Variants in CABP5 observed in about 807,000 individuals in gnomAD.
CABP5 encodes the protein calcium-binding protein 5.
A neutral mutation model predicts 21.9 loss-of-function variants in CABP5; 17 were observed. The observed-to-expected ratio is 0.78, with a 90% CI of 0.53 to 1.17. The LOEUF is 1.17. Ranked by LOEUF, CABP5 falls within the 50% of genes most tolerant of loss-of-function variation. CABP5 has a pLI of 0.00. For synonymous variants in CABP5, 85 were observed against 79.4 expected, an observed-to-expected ratio of 1.07 and a Z score of -0.37; for missense variants, 229 against 228.9, an observed-to-expected ratio of 1.00 and a Z score of 0.00.
At position 48,029,540 on chromosome 19, in the gene CABP5, A is replaced by G. The variant is rs148179092; in HGVS notation, c.*1017T>C. Among the ~76,000 whole-genome samples, 137 of 152,224 alleles carry G rather than the reference A, an allele frequency of 9.0e-4. 4 individuals carry two copies. In the South Asian group the frequency reaches 0.027, roughly 30 times the overall value. On this transcript the variant is annotated 3_prime_UTR_variant, in exon 6 of 6. Coordinates refer to ENST00000293255, the MANE Select transcript of CABP5 (RefSeq NM_019855.5). Reference sequence around the variant, plus strand: ...AACAGACGACCCATCTAACAGAGACACAGCCTCTGGGTGGTCCAGGACAGA... The same window carrying G: ...AACAGACGACCCATCTAACAGAGACGCAGCCTCTGGGTGGTCCAGGACAGA...
intron 4 of CABP5, among the ~76,000 whole-genome samples, chr19:48,038,853 C>T (rs975423753): frequency 2.0e-5 from 3 of 151,876 alleles, no homozygotes; most frequent in South Asian, 2.1e-4. Flanking sequence ...AACATTTATT[C>T]TAGAGATGGC....
Position 48,030,374 on chromosome 19 carries a change from C to T in CABP5, c.*183G>A. The T allele has an allele frequency of 1.8e-6, 1 of 559,512 alleles. No homozygotes were observed. Among genetic ancestry groups the T allele is most frequent in the South Asian group, 2.6e-5 (1 of 37,926 alleles). 34.7% of individuals were successfully genotyped at this position (559,512 alleles called of 1,614,324 possible). A position where few individuals can be genotyped will look rare whatever the true frequency, so the allele number is the denominator to read the frequency against. ...TCTTAATCTAGTTCTGCAGACGCCC[C>T]CATCCTGGCAAAGATACCGCTCTGG... is the stretch of plus-strand genomic sequence containing the variant. On this transcript the variant is annotated 3_prime_UTR_variant, in exon 6 of 6. Transcript: ENST00000293255.
chr19:48,041,272 A>G (rs1483640299), intron 2 of CABP5: 6 of 452,966 alleles, frequency 1.3e-5, no homozygotes, highest in Non-Finnish European at 2.3e-5. Flanking sequence ...AAATGAGAGC[A>G]CTGGCGTCCT....
chr19:48,037,882 C>T (rs1234790587), intron 4 of CABP5, among the ~76,000 whole-genome samples: 2 of 152,114 alleles, frequency 1.3e-5, no homozygotes, highest in African/African-American at 2.4e-5. Flanking sequence ...ACAGTGTTCA[C>T]GTTACACTTA....
chr19:48,034,438 C>T, intron 4 of CABP5, 76 bp from the exon 5 acceptor site: 1 of 1,193,702 alleles, frequency 8.4e-7, no homozygotes. Context: ...TTACCTATCG[C>T]TTACTGTGGG....
chr19:48,042,163 G>C (rs1816194733), intron 1 of CABP5, among the ~76,000 whole-genome samples: 2 of 152,088 alleles, frequency 1.3e-5, no homozygotes, highest in Admixed American at 1.3e-4. Flanking sequence ...TGGAGGTCAT[G>C]GGGCAAGTCA....
At position 48,029,610 on chromosome 19, in the gene CABP5, C is replaced by T. The variant is rs564655382; in HGVS notation, c.*947G>A. Among the ~76,000 whole-genome samples, 8 of 152,250 alleles carry T rather than the reference C, an allele frequency of 5.3e-5. No individual in the cohort carries two copies. The highest frequency in any genetic ancestry group is 1.2e-4 in the Non-Finnish European group (8 of 68,024). On this transcript the variant is annotated 3_prime_UTR_variant, in exon 6 of 6. Coordinates refer to ENST00000293255, the MANE Select transcript of CABP5 (RefSeq NM_019855.5). ...CTTCTAGGAAAGACTTTGCAACAAC[C>T]TGGCTGAACTGGGGATTTGGGGGAT...
At chr19:48,039,827 C>A (rs1967458694) in intron 3 of CABP5, among the ~76,000 whole-genome samples, 3 of 142,396 alleles carry the variant, frequency 2.1e-5, no homozygotes, top group African/African-American at 7.8e-5. Flanking sequence ...GATTCTCGTA[C>A]CTTAGCCTCC....
In CABP5 at chr19:48,030,527, T is replaced by C; in HGVS notation, c.*30A>G. The C allele has an allele frequency of 1.2e-6, 2 of 1,607,042 alleles. No individual in the cohort carries two copies. The highest frequency in any genetic ancestry group is 2.2e-5 in the South Asian group (2 of 90,116). Reference sequence around the variant, plus strand: ...AAGCGCTTGCTCCATGTTGACCAGGTGGAGAGGGTCTGGAGCTTCCAGGAC... The same window carrying C: ...AAGCGCTTGCTCCATGTTGACCAGGCGGAGAGGGTCTGGAGCTTCCAGGAC... On this transcript the variant is annotated 3_prime_UTR_variant, in exon 6 of 6. Transcript: ENST00000293255.
At chr19:48,032,406 T>A (rs1272895329) in intron 5 of CABP5, among the ~76,000 whole-genome samples, 1 of 149,952 alleles carries the variant, frequency 6.7e-6, no homozygotes, top group Non-Finnish European at 1.5e-5. Context: ...GCGATCTCAC[T>A]GCAACCTCCG....
At chr19:48,042,695 C>T (rs1203334557) in intron 1 of CABP5, among the ~76,000 whole-genome samples, 1 of 152,018 alleles carries the variant, frequency 6.6e-6, no homozygotes, top group East Asian at 1.9e-4. Context: ...CTGCCTCAGC[C>T]TCCCGAGTAG....
intron 5 of CABP5, among the ~76,000 whole-genome samples, chr19:48,033,037 G>A (rs573146711): frequency 1.8e-3 from 261 of 145,332 alleles, no homozygotes; most frequent in African/African-American, 6.2e-3. Flanking sequence ...TTTTTTGGAC[G>A]GAGTGTTGCT....
Position 48,030,590 on chromosome 19 carries a change from G to GA in CABP5, c.497-9dup, listed in dbSNP as rs199946129. On this transcript the variant is annotated splice_polypyrimidine_tract_variant and intron_variant, in intron 5 of 5. Coordinates refer to ENST00000293255, the MANE Select transcript of CABP5 (RefSeq NM_019855.5). ...ACATCATCTTCACAAACTCTGCAAA[G>GA]AAAAAAAAAAATCCCCAGTAAGGCA... 7,387 of 1,375,360 alleles carry GA rather than the reference G, an allele frequency of 5.4e-3. 90 individuals are homozygous for GA. The African/African-American group carries it at 0.062, about 12-fold the overall frequency. The allele number at this position is 1,375,360 out of a possible 1,614,324, so 85.2% of individuals were successfully genotyped here. A position where few individuals can be genotyped will look rare whatever the true frequency, so the allele number is the denominator to read the frequency against.
intron 1 of CABP5, among the ~76,000 whole-genome samples, chr19:48,042,817 C>T (rs1967499311): frequency 6.6e-6 from 1 of 152,176 alleles, no homozygotes; most frequent in Non-Finnish European, 1.5e-5. Flanking sequence ...TCGTGATCCA[C>T]CTGCTTTGGC....
rs1967448845 is a variant in CABP5, at chr19:48,039,197, T to C, written c.348+11A>G. On this transcript the variant is annotated intron_variant, in intron 4 of 5. Coordinates refer to ENST00000293255, the MANE Select transcript of CABP5 (RefSeq NM_019855.5). ...TCTACCATCACCAGCACCATGACAC[T>C]GTTAACTCACCTCCTTGAAGGCATC... is the stretch of plus-strand genomic sequence containing the variant. 15 of 1,604,418 alleles carry C rather than the reference T, an allele frequency of 9.3e-6. No individual in the cohort carries two copies. Among genetic ancestry groups the C allele is most frequent in the Admixed American group, 3.3e-5 (2 of 59,978 alleles).
intron 3 of CABP5, among the ~76,000 whole-genome samples, 191 bp downstream of exon 3, chr19:48,040,412 ACC>A (rs1157273083): frequency 1.3e-5 from 2 of 152,136 alleles, no homozygotes; most frequent in Admixed American, 6.6e-5. Flanking sequence ...TTGAACCCAG[ACC>A]TATCTCTAAA....
intron 3 of CABP5, 62 bp from the exon 4 acceptor site, chr19:48,039,379 TTGTGCTTCG>T: frequency 7.7e-7 from 1 of 1,305,456 alleles, no homozygotes; most frequent in Non-Finnish European, 1.1e-6. Context: ...TTACCTCACT[TTGTGCTTCG>T]AGTCAGTTAG....
intron 5 of CABP5, among the ~76,000 whole-genome samples, chr19:48,032,334 C>CTTT (rs11384879): frequency 5.5e-5 from 8 of 144,168 alleles, no homozygotes; most frequent in Non-Finnish European, 7.5e-5. Context: ...TAATTTTGGA[C>CTTT]TTTTTTTTTT....
intron 2 of CABP5, 116 bp from the exon 3 acceptor site, chr19:48,040,864 G>T: frequency 1.2e-6 from 1 of 835,076 alleles, no homozygotes; most frequent in Non-Finnish European, 1.8e-6. Flanking sequence ...GCGTACATTA[G>T]AAACAAAACA....
Sources: allele counts gnomAD v4.1 joint callset (sites outside exome capture counted in the v4.1 genomes callset), GRCh38; gene constraint gnomAD v4.1.1; transcripts MANE v1.5; gene names NCBI Gene and HGNC (gene_info 2026-07-23, HGNC 2026-07-21).